The following WDR27 variants were observed in gnomAD, a reference collection of about 807,000 sequenced individuals.
WDR27 encodes WD repeat-containing protein 27.
In WDR27, 100 loss-of-function variants were observed where a neutral mutation model predicts 114.4. The ratio of observed to expected loss-of-function variants is 0.87; its 90% CI spans 0.74 to 1.03. WDR27 has a LOEUF of 1.03. Among genes scored for constraint, WDR27 ranks in the 50% least tolerant of loss-of-function variants. WDR27 has a pLI of 0.00. For synonymous variants in WDR27, 449 were observed against 423.1 expected, an observed-to-expected ratio of 1.06 and a Z score of -0.75; for missense variants, 1,129 against 1,092.9, an observed-to-expected ratio of 1.03 and a Z score of -0.47.
chr6:169,461,889 TA>T (rs2115272954), intron 25 of WDR27, among the ~76,000 whole-genome samples: 1 of 151,952 alleles, frequency 6.6e-6, no homozygotes, highest in East Asian at 1.9e-4. Context: ...GAAAAATAAA[TA>T]AGTGAGTCTT....
chr6:169,673,165 G>A (rs1292412161), intron 2 of WDR27, among the ~76,000 whole-genome samples: 1 of 152,042 alleles, frequency 6.6e-6, no homozygotes, highest in East Asian at 1.9e-4. Flanking sequence ...AAAGGGATAG[G>A]GTTTGAGGTT....
chr6:169,667,121 A>T lies in WDR27; in HGVS notation c.712+15T>A, dbSNP rs1212640353. On this transcript the variant is annotated intron_variant, in intron 6 of 25. Transcript: ENST00000448612. ...CACAACCTATTTACAGAAAACATGA[A>T]AGTTTTAAATTTACCTGATAACACA... 2 of 1,509,218 alleles carry T rather than the reference A, an allele frequency of 1.3e-6. No homozygotes were observed. Among genetic ancestry groups the T allele is most frequent in the East Asian group, 5.0e-5 (2 of 39,620 alleles). 93.5% of individuals were successfully genotyped at this position (1,509,218 alleles called of 1,614,324 possible). A position where few individuals can be genotyped will look rare whatever the true frequency, so the allele number is the denominator to read the frequency against.
intron 17 of WDR27, among the ~76,000 whole-genome samples, chr6:169,641,436 T>G (rs1466486694): frequency 6.6e-6 from 1 of 152,166 alleles, no homozygotes; most frequent in African/African-American, 2.4e-5. Flanking sequence ...TCTTTTCAGT[T>G]GGCCAGTTTC....
At chr6:169,675,866 A>T (rs1051675793) in intron 2 of WDR27, among the ~76,000 whole-genome samples, 1 of 152,116 alleles carries the variant, frequency 6.6e-6, no homozygotes, top group Non-Finnish European at 1.5e-5. Context: ...TATCTCCTGG[A>T]TCTGGGAAGG....
intron 25 of WDR27, among the ~76,000 whole-genome samples, chr6:169,521,609 A>C (rs1583948867): frequency 6.6e-6 from 1 of 152,086 alleles, no homozygotes; most frequent in African/African-American, 2.4e-5. Context: ...CCTTTTAAGA[A>C]ACAGGTAACG....
chr6:169,443,236 G>A, the WDR27 span, among the ~76,000 whole-genome samples: 12 of 152,290 alleles, frequency 7.9e-5, 1 homozygote, highest in South Asian at 1.0e-3. Context: ...AACACGTGCC[G>A]TCACCCAAGC....
chr6:169,638,552 A>C lies in WDR27; in HGVS notation c.1856T>G (p.Leu619Arg). ...ACTGTCCATTACCAGAAGCAGTGCGAGCTCTGCCCCACGAGCCGACCACAT... is the reference window on the plus strand; with the variant it reads ...ACTGTCCATTACCAGAAGCAGTGCGCGCTCTGCCCCACGAGCCGACCACAT... ...LRMWSARGAE[L>R]ALLLGKDMFS... Residue 619 changes from leucine to arginine, a missense_variant, in exon 18 of 26, where the codon CTC becomes CGC. Transcript: ENST00000448612. 6.2e-7 allele frequency: 1 copy of C among 1,611,252 alleles called. No homozygotes were observed. Among genetic ancestry groups the C allele is most frequent in the Non-Finnish European group, 8.5e-7 (1 of 1,179,152 alleles).
chr6:169,601,788 G>A (rs1261817225), intron 23 of WDR27, among the ~76,000 whole-genome samples: 2 of 152,210 alleles, frequency 1.3e-5, no homozygotes, highest in East Asian at 3.9e-4. Flanking sequence ...AGGCGCATGC[G>A]CATAATGTGG....
intron 25 of WDR27, among the ~76,000 whole-genome samples, chr6:169,533,557 A>G (rs1413375622): frequency 6.6e-6 from 1 of 152,196 alleles, no homozygotes; most frequent in African/African-American, 2.4e-5. Flanking sequence ...TGGGTCATCT[A>G]TTCCCTGTGC....
chr6:169,473,924 T>C (rs1197223664), intron 25 of WDR27, among the ~76,000 whole-genome samples: 1 of 152,268 alleles, frequency 6.6e-6, no homozygotes, highest in Non-Finnish European at 1.5e-5. Flanking sequence ...TGCTTCTCTG[T>C]TTCAGTTTCA....
chr6:169,578,992 C>T (rs1232228553), intron 24 of WDR27, among the ~76,000 whole-genome samples: 1 of 152,158 alleles, frequency 6.6e-6, no homozygotes, highest in Non-Finnish European at 1.5e-5. Context: ...TACACGGCAG[C>T]AGCCAGAGTC....
At chr6:169,609,881 T>C (rs532114859) in intron 22 of WDR27, among the ~76,000 whole-genome samples, 42 of 152,334 alleles carry the variant, frequency 2.8e-4, no homozygotes, top group African/African-American at 9.9e-4. Flanking sequence ...GCACCCAAGT[T>C]ACCTCTTAAA....
At chr6:169,616,955 T>G (rs919294502) in intron 21 of WDR27, among the ~76,000 whole-genome samples, 1 of 152,182 alleles carries the variant, frequency 6.6e-6, no homozygotes, top group African/African-American at 2.4e-5. Flanking sequence ...AAATAGTGCA[T>G]GCCCAAACTG....
intron 14 of WDR27, among the ~76,000 whole-genome samples, chr6:169,651,183 C>CGGGGGGGGG (rs763059214): frequency 3.9e-4 from 3 of 7,714 alleles, no homozygotes; most frequent in Admixed American, 1.4e-3. Flanking sequence ...CAGTGCGGGG[C>CGGGGGGGGG]GGGGGGGGGG....
At chr6:169,493,694 C>T (rs990806364) in intron 25 of WDR27, among the ~76,000 whole-genome samples, 10 of 152,048 alleles carry the variant, frequency 6.6e-5, no homozygotes, top group African/African-American at 2.4e-4. Flanking sequence ...ACTGAACCCA[C>T]ATTTTTCTGC....
chr6:169,544,319 G>A (rs1189146263), intron 25 of WDR27, among the ~76,000 whole-genome samples: 1 of 150,462 alleles, frequency 6.6e-6, no homozygotes. Context: ...TATTTACAGA[G>A]AAAATCCCAA....
At position 169,651,188 on chromosome 6, in the gene WDR27, G is replaced by C. The variant is rs1030983185; in HGVS notation, c.1481+742C>G. ...TGGAGCACAGCAGTGCGGGGCGGGG[G>C]GGGGGAGTGGGGGAGTGGGGGAGTG... On this transcript the variant is annotated intron_variant, in intron 14 of 25. Transcript: ENST00000448612. Among the ~76,000 whole-genome samples the C allele has an allele frequency of 3.6e-5, 4 of 111,138 alleles. 1 individual carries two copies. The highest frequency in any genetic ancestry group is 9.0e-5 in the African/African-American group (2 of 22,234). 72.9% of individuals were successfully genotyped at this position (111,138 alleles called of 152,430 possible).
chr6:169,569,940 T>A (rs1289583888), intron 25 of WDR27, among the ~76,000 whole-genome samples: 1 of 152,306 alleles, frequency 6.6e-6, no homozygotes, highest in Non-Finnish European at 1.5e-5. Context: ...ACACTCAGAA[T>A]GAGTCTTCCT....
intron 18 of WDR27, among the ~76,000 whole-genome samples, chr6:169,638,209 G>A (rs1006462934): frequency 8.3e-6 from 1 of 120,276 alleles, no homozygotes; most frequent in Admixed American, 7.6e-5. Flanking sequence ...CCAGCTACTC[G>A]GGAGGCTGAG....
Sources: gnomAD v4.1 joint callset for allele counts (sites outside exome capture counted in the v4.1 genomes callset) on GRCh38, gnomAD v4.1.1 for gene constraint, MANE v1.5 for transcripts, NCBI Gene and HGNC (gene_info 2026-07-23, HGNC 2026-07-21) for gene names.